The following VPS8 variants were observed in gnomAD, a reference collection of about 807,000 sequenced individuals.
VPS8 encodes VPS8 subunit of CORVET complex.
VPS8 carries 129 observed loss-of-function variants against 216.4 expected under a neutral mutation model. That is an observed-to-expected ratio of 0.60 (90% confidence interval 0.52 to 0.69). The LOEUF is 0.69. VPS8 is among the 30% of genes least tolerant of loss of function. The pLI is 0.00. For synonymous variants in VPS8, 571 were observed against 565.4 expected (o/e 1.01, Z -0.14); for missense variants, 1,531 against 1,683.5 (o/e 0.91, Z 1.59).
intron 46 of VPS8, among the ~76,000 whole-genome samples, chr3:185,031,106 C>T (rs1166156196): frequency 8.1e-6 from 1 of 123,218 alleles, no homozygotes; most frequent in East Asian, 2.6e-4. Flanking sequence ...GAAAAAGCCT[C>T]ACAAAGCCAC....
intron 21 of VPS8, 38 bp downstream of exon 21, chr3:184,870,843 G>C: frequency 6.5e-7 from 1 of 1,545,008 alleles, no homozygotes; most frequent in African/African-American, 1.4e-5. Flanking sequence ...CGATGCTCTG[G>C]ATAGGTCTAA....
At chr3:184,886,011 C>A in intron 21 of VPS8, 99 bp from the exon 22 acceptor site, 2 of 1,315,076 alleles carry the variant, frequency 1.5e-6, no homozygotes, top group South Asian at 1.4e-5. Flanking sequence ...AAGTTATATC[C>A]TCCTAACAAT....
intron 41 of VPS8, 67 bp downstream of exon 41, chr3:184,982,714 A>C (rs1750415872): frequency 5.4e-6 from 7 of 1,293,812 alleles, no homozygotes; most frequent in Admixed American, 2.1e-5. Context: ...GTCTGCAGAA[A>C]CTATCAGTAT....
intron 42 of VPS8, among the ~76,000 whole-genome samples, chr3:184,992,266 G>A (rs1352843024): frequency 6.6e-6 from 1 of 152,078 alleles, no homozygotes; most frequent in Non-Finnish European, 1.5e-5. Flanking sequence ...ACAGTACCAA[G>A]AGTTTAATAA....
At chr3:184,954,454 C>A (rs943936235) in intron 36 of VPS8, among the ~76,000 whole-genome samples, 3 of 152,206 alleles carry the variant, frequency 2.0e-5, no homozygotes, top group African/African-American at 7.2e-5. Context: ...TGACAACCAA[C>A]CAGCCCTTAT....
At chr3:184,935,352 CAGG>C (rs1741414748) in intron 34 of VPS8, among the ~76,000 whole-genome samples, 1 of 152,274 alleles carries the variant, frequency 6.6e-6, no homozygotes, top group South Asian at 2.1e-4. Context: ...TCTCACTCAT[CAGG>C]AGTATTGCAT....
Position 184,915,067 on chromosome 3 carries a change from T to C in VPS8, c.2262+14T>C, listed in dbSNP as rs1737287856. ...GTTAAAAACCAGGTTGGTACTATTT[T>C]TATAGCCTTTTGACTGTTCTCCGTC... On this transcript the variant is annotated intron_variant, in intron 27 of 47. Coordinates refer to ENST00000625842, the MANE Select transcript of VPS8 (RefSeq NM_001009921.3). 6.2e-7 allele frequency: 1 copy of C among 1,612,990 alleles called. No homozygotes were observed. The highest frequency in any genetic ancestry group is 1.3e-5 in the African/African-American group (1 of 75,040).
At chr3:184,920,225 T>A in intron 29 of VPS8, 27 bp downstream of exon 29, 3 of 1,367,544 alleles carry the variant, frequency 2.2e-6, no homozygotes, top group Non-Finnish European at 3.0e-6. Flanking sequence ...TACATGTCTT[T>A]ATATTGATAT....
At chr3:184,885,676 C>T (rs1161522015) in intron 21 of VPS8, among the ~76,000 whole-genome samples, 2 of 151,982 alleles carry the variant, frequency 1.3e-5, no homozygotes, top group Non-Finnish European at 2.9e-5. Context: ...ATATTTTCAC[C>T]TAGTATTTGT....
At chr3:184,883,886 T>A (rs1730702502) in intron 21 of VPS8, among the ~76,000 whole-genome samples, 2 of 152,242 alleles carry the variant, frequency 1.3e-5, no homozygotes, top group African/African-American at 4.8e-5. Context: ...TGGGGTATAC[T>A]ACTGCCCTTT....
chr3:184,942,957 C>A (rs930572621), intron 36 of VPS8, among the ~76,000 whole-genome samples: 2 of 152,006 alleles, frequency 1.3e-5, no homozygotes, highest in Admixed American at 6.6e-5. Context: ...GGAAGTTCTC[C>A]CTTTCTTGCT....
rs376610694 is a variant in VPS8, at chr3:185,051,861, G to A, written c.4138-15G>A. The A allele has an allele frequency of 1.9e-4, 301 of 1,584,718 alleles. 2 individuals are homozygous for A. Among genetic ancestry groups the A allele is most frequent in the Middle Eastern group, 1.9e-3 (11 of 5,930 alleles). On this transcript the variant is annotated splice_polypyrimidine_tract_variant and intron_variant, in intron 47 of 47. Coordinates refer to ENST00000625842, the MANE Select transcript of VPS8 (RefSeq NM_001009921.3). ...TCCCCACAAACCTTAGCTGATGTGT[G>A]TCCTTCCTTTGCAGCTGGCTCTCCT... is the stretch of plus-strand genomic sequence containing the variant.
intron 45 of VPS8, among the ~76,000 whole-genome samples, chr3:185,003,623 C>T (rs1753756348): frequency 6.6e-6 from 1 of 152,040 alleles, no homozygotes; most frequent in Admixed American, 6.6e-5. Context: ...TTCTATTCCA[C>T]AAAACCGCCA....
At chr3:184,911,682 C>T (rs946014894) in intron 25 of VPS8, among the ~76,000 whole-genome samples, 1 of 152,184 alleles carries the variant, frequency 6.6e-6, no homozygotes, top group Admixed American at 6.5e-5. Context: ...CTTTTGCTCT[C>T]GTAATCACCT....
At chr3:184,983,834 T>C (rs368860314) in intron 42 of VPS8, among the ~76,000 whole-genome samples, 2 of 136,980 alleles carry the variant, frequency 1.5e-5, no homozygotes, top group East Asian at 4.9e-4. Context: ...CATTAGTCTT[T>C]ATAATTTTCA....
Position 185,014,011 on chromosome 3 carries a change from T to C in VPS8, c.4003-10325T>C, listed in dbSNP as rs117713712. Among the ~76,000 whole-genome samples, 4 of 152,330 alleles carry C rather than the reference T, an allele frequency of 2.6e-5. No individual in the cohort carries two copies. In the East Asian group the frequency reaches 7.7e-4, roughly 29 times the overall value. On this transcript the variant is annotated intron_variant, in intron 45 of 47. Transcript: ENST00000625842. The stretch of plus-strand genomic sequence containing the variant: ...TTTTGAGGGCAGTATCTCTCACTTA[T>C]AGGAATAGCTTTATTATGGTAAATC...
chr3:184,985,044 T>G (rs373378453), intron 42 of VPS8, among the ~76,000 whole-genome samples: 2 of 152,190 alleles, frequency 1.3e-5, no homozygotes, highest in South Asian at 4.1e-4. Flanking sequence ...CTCCCACTAA[T>G]CAGGAAGGTA....
intron 46 of VPS8, among the ~76,000 whole-genome samples, chr3:185,046,253 G>C (rs1712877573): frequency 6.6e-6 from 1 of 152,038 alleles, no homozygotes; most frequent in African/African-American, 2.4e-5. Flanking sequence ...TTTATTTTTT[G>C]TCTGACCTTA....
At chr3:184,938,420 C>CT (rs1304988444) in intron 35 of VPS8, among the ~76,000 whole-genome samples, 1 of 152,260 alleles carries the variant, frequency 6.6e-6, no homozygotes, top group East Asian at 1.9e-4. Context: ...GATTGGAATG[C>CT]TAATGGAGCC....
Sources: allele counts gnomAD v4.1 joint callset (sites outside exome capture counted in the v4.1 genomes callset), GRCh38; gene constraint gnomAD v4.1.1; transcripts MANE v1.5; gene names NCBI Gene and HGNC (gene_info 2026-07-23, HGNC 2026-07-21).